Variants in OVOL1 observed in about 807,000 individuals in gnomAD.
OVOL1 encodes putative transcription factor Ovo-like 1.
In OVOL1, 10 loss-of-function variants were observed where a neutral mutation model predicts 21.5. The ratio of observed to expected loss-of-function variants is 0.46; its 90% CI spans 0.29 to 0.79. OVOL1 has a LOEUF of 0.79. Among genes scored for constraint, OVOL1 ranks in the 30% least tolerant of loss-of-function variants. The probability of loss-of-function intolerance (pLI) is 0.10; values close to 1 mark genes in which losing one functional copy is unlikely to be tolerated. For synonymous variants in OVOL1, 129 were observed against 150.3 expected, an observed-to-expected ratio of 0.86 and a Z score of 1.03; for missense variants, 279 against 362.3, an observed-to-expected ratio of 0.77 and a Z score of 1.87.
chr11:65,790,940 C>G (rs1214795048), intron 1 of OVOL1: 1 of 152,528 alleles, frequency 6.6e-6, no homozygotes, highest in Admixed American at 6.5e-5. Context: ...TCCTTTGTAT[C>G]ATCGGCCATT....
intron 1 of OVOL1, chr11:65,789,891 A>G (rs993240754): frequency 3.2e-5 from 5 of 156,856 alleles, no homozygotes; most frequent in South Asian, 2.0e-4. Context: ...CAGTTTGACA[A>G]TCCCATCAGC....
At position 65,793,384 on chromosome 11, in the gene OVOL1, G is replaced by A. The variant is rs902645158; in HGVS notation, c.101-647G>A. Among the ~76,000 whole-genome samples, 5 of 152,212 alleles carry A rather than the reference G, an allele frequency of 3.3e-5. No individual in the cohort carries two copies. The East Asian group carries it at 5.8e-4, about 18-fold the overall frequency. Reference sequence around the variant, plus strand: ...GTTGCATAAGCCTGGGCAGGCTGCCGAGACTGTTAGGCTGCATCCACCTGC... The same window carrying A: ...GTTGCATAAGCCTGGGCAGGCTGCCAAGACTGTTAGGCTGCATCCACCTGC... On this transcript the variant is annotated intron_variant, in intron 1 of 3. Transcript: ENST00000335987.
rs1939410354 is a variant in OVOL1, at chr11:65,797,068, A to T, written c.*1727A>T. 1 of 152,212 alleles carries T rather than the reference A, an allele frequency of 6.6e-6. No homozygotes were observed. The highest frequency in any genetic ancestry group is 2.1e-4 in the South Asian group (1 of 4,836). 9.4% of individuals were successfully genotyped at this position (152,212 alleles called of 1,614,324 possible). A position where few individuals can be genotyped will look rare whatever the true frequency, so the allele number is the denominator to read the frequency against. ...CGCTGCTGTATTCTGAAAGTCACAT[A>T]GCACACAGTAATGTTATCTGGAAGC... is the stretch of plus-strand genomic sequence containing the variant. On this transcript the variant is annotated 3_prime_UTR_variant, in exon 4 of 4. Coordinates refer to ENST00000335987, the MANE Select transcript of OVOL1 (RefSeq NM_004561.4).
Position 65,794,257 on chromosome 11 carries a change from A to C in OVOL1, c.318+9A>C. 20 of 1,608,590 alleles carry C rather than the reference A, an allele frequency of 1.2e-5. No homozygotes were observed. Among genetic ancestry groups the C allele is most frequent in the Middle Eastern group, 1.7e-4 (1 of 6,052 alleles). On this transcript the variant is annotated intron_variant, in intron 2 of 3. Coordinates refer to ENST00000335987, the MANE Select transcript of OVOL1 (RefSeq NM_004561.4). ...TGCGCACCAAGATGAAGGTAATGCC[A>C]CTCGCGCTGTCTCCGAGGGCCGGGG...
chr11:65,792,064 G>C (rs943993522), intron 1 of OVOL1, among the ~76,000 whole-genome samples: 3 of 152,194 alleles, frequency 2.0e-5, no homozygotes, highest in Non-Finnish European at 4.4e-5. Flanking sequence ...TCTGCCCCTC[G>C]CTCAGGGTGG....
At position 65,787,221 on chromosome 11, in the gene OVOL1, CG is replaced by C; in HGVS notation, c.-150del. The C allele has an allele frequency of 1.9e-6, 1 of 536,170 alleles. No homozygotes were observed. The highest frequency in any genetic ancestry group is 3.4e-6 in the Non-Finnish European group (1 of 293,370). The allele number at this position is 536,170 out of a possible 1,614,324, so 33.2% of individuals were successfully genotyped here. A position where few individuals can be genotyped will look rare whatever the true frequency, so the allele number is the denominator to read the frequency against. ...GGAGGTGGAACCGCCGCGCGCCGTC[CG>C]GGCTCGGACCTTCCCCGGAACGTGG... On this transcript the variant is annotated 5_prime_UTR_variant, in exon 1 of 4. Coordinates refer to ENST00000335987, the MANE Select transcript of OVOL1 (RefSeq NM_004561.4).
chr11:65,793,733 G>A, intron 1 of OVOL1: 1 of 478,900 alleles, frequency 2.1e-6, no homozygotes, highest in Non-Finnish European at 3.8e-6. Flanking sequence ...CAGCCCAGGT[G>A]GGGCAGGCAG....
chr11:65,787,483 C>T lies in OVOL1; in HGVS notation c.100+10C>T. The T allele has an allele frequency of 6.6e-7, 1 of 1,507,998 alleles. No individual in the cohort carries two copies. Among genetic ancestry groups the T allele is most frequent in the Non-Finnish European group, 8.9e-7 (1 of 1,120,272 alleles). 93.4% of individuals were successfully genotyped at this position (1,507,998 alleles called of 1,614,324 possible). Reference sequence around the variant, plus strand: ...GAGATCTACGTGCCAGGTGAGGCTCCAACCGCCCTCCGGCCTGGGGCACCC... The same window carrying T: ...GAGATCTACGTGCCAGGTGAGGCTCTAACCGCCCTCCGGCCTGGGGCACCC... On this transcript the variant is annotated intron_variant, in intron 1 of 3. Coordinates refer to ENST00000335987, the MANE Select transcript of OVOL1 (RefSeq NM_004561.4).
In OVOL1 at chr11:65,795,494, C is replaced by G. The variant is rs772949735; in HGVS notation, c.*153C>G. The G allele has an allele frequency of 7.9e-5, 53 of 673,302 alleles. No homozygotes were observed. The highest frequency in any genetic ancestry group is 1.3e-4 in the Non-Finnish European group (51 of 398,050). 41.7% of individuals were successfully genotyped at this position (673,302 alleles called of 1,614,324 possible). On this transcript the variant is annotated 3_prime_UTR_variant, in exon 4 of 4. Coordinates refer to ENST00000335987, the MANE Select transcript of OVOL1 (RefSeq NM_004561.4). The surrounding 1 kb of genome is among the most constrained non-coding windows in gnomAD (Gnocchi z 5.7). ...TGCCTTGGTCTCCCCCCTGGGCACA[C>G]GTGCTCACTCAGGCCCAGCAATGAC...
At chr11:65,794,466 A>G in intron 2 of OVOL1, 72 bp from the exon 3 acceptor site, 1 of 1,444,478 alleles carries the variant, frequency 6.9e-7, no homozygotes, top group Non-Finnish European at 9.6e-7. Flanking sequence ...GCTGGCATCC[A>G]CGTCTTCCCA....
At chr11:65,794,911 A>C in intron 3 of OVOL1, 135 bp from the exon 4 acceptor site, 1 of 1,006,142 alleles carries the variant, frequency 9.9e-7, no homozygotes, top group East Asian at 2.6e-5. Context: ...TCACTCGGGA[A>C]GTTGGTGTTG....
rs1857920822 is a variant in OVOL1, at chr11:65,787,080, G to C, written c.-294G>C. On this transcript the variant is annotated 5_prime_UTR_variant, in exon 1 of 4. Coordinates refer to ENST00000335987, the MANE Select transcript of OVOL1 (RefSeq NM_004561.4). ...TCCGGCTCGCACTTTAAGACTTCCC[G>C]AGCGGCGGCGGGGACGCCAGTCGAG... 1 of 276,234 alleles carries C rather than the reference G, an allele frequency of 3.6e-6. No homozygotes were observed. Among genetic ancestry groups the C allele is most frequent in the South Asian group, 2.7e-5 (1 of 37,052 alleles). The allele number at this position is 276,234 out of a possible 1,614,324, so 17.1% of individuals were successfully genotyped here.
chr11:65,795,633 C>T lies in OVOL1; in HGVS notation c.*292C>T, dbSNP rs912089948. ...AAGGCTGCCTTCAATTAGAAGCAGC[C>T]GCCCACAGAGACAGGCACTGTGTGC... On this transcript the variant is annotated 3_prime_UTR_variant, in exon 4 of 4. Coordinates refer to ENST00000335987, the MANE Select transcript of OVOL1 (RefSeq NM_004561.4). The surrounding 1 kb of genome is among the most constrained non-coding windows in gnomAD (Gnocchi z 5.7). 3.2e-5 allele frequency: 16 copies of T among 501,072 alleles called. No homozygotes were observed. The highest frequency in any genetic ancestry group is 1.1e-4 in the African/African-American group (6 of 52,316). The allele number at this position is 501,072 out of a possible 1,614,324, so 31.0% of individuals were successfully genotyped here. A position where few individuals can be genotyped will look rare whatever the true frequency, so the allele number is the denominator to read the frequency against.
At chr11:65,794,285 G>A (rs748196114) in intron 2 of OVOL1, 37 bp downstream of exon 2, 12 of 1,551,984 alleles carry the variant, frequency 7.7e-6, no homozygotes, top group South Asian at 2.2e-5. Flanking sequence ...GGCCGGGGGC[G>A]TGCATGTAGA....
rs1858127331 is a variant in OVOL1, at chr11:65,796,100, T to G, written c.*759T>G. On this transcript the variant is annotated 3_prime_UTR_variant, in exon 4 of 4. Coordinates refer to ENST00000335987, the MANE Select transcript of OVOL1 (RefSeq NM_004561.4). Reference sequence around the variant, plus strand: ...GTGCCAATGGCGATGTTTTTAAGAGTGGGATGGAGCTGGCTTTTCTCCATT... The same window carrying G: ...GTGCCAATGGCGATGTTTTTAAGAGGGGGATGGAGCTGGCTTTTCTCCATT... The G allele has an allele frequency of 6.5e-6, 1 of 152,674 alleles. No individual in the cohort carries two copies. Among genetic ancestry groups the G allele is most frequent in the East Asian group, 1.9e-4 (1 of 5,200 alleles). The allele number at this position is 152,674 out of a possible 1,614,324, so 9.5% of individuals were successfully genotyped here.
intron 1 of OVOL1, chr11:65,788,482 G>A: frequency 1.0e-6 from 1 of 984,554 alleles, no homozygotes; most frequent in Non-Finnish European, 1.2e-6. Flanking sequence ...GAGGGGGGAG[G>A]GGAGGAGTAA....
At position 65,795,009 on chromosome 11, in the gene OVOL1, G is replaced by A. The variant is rs756274526; in HGVS notation, c.509-37G>A. 6.3e-7 allele frequency: 1 copy of A among 1,597,942 alleles called. No homozygotes were observed. Among genetic ancestry groups the A allele is most frequent in the Non-Finnish European group, 8.5e-7 (1 of 1,172,846 alleles). ...GCAGCCGACAGCCTCTGAAGTCCCT[G>A]CCAGGTCTCTGATGCTGGCCCCTGT... On this transcript the variant is annotated intron_variant, in intron 3 of 3. Transcript: ENST00000335987. This position sits in a 1 kb window ranked among gnomAD's most constrained non-coding sequence, Gnocchi z 5.7.
chr11:65,794,788 G>A (rs1858096512), intron 3 of OVOL1, 61 bp downstream of exon 3: 1 of 1,527,388 alleles, frequency 6.5e-7, no homozygotes, highest in South Asian at 1.1e-5. Flanking sequence ...GGCCGTGCGG[G>A]AAAAGTCCAG....
chr11:65,788,414 C>A, intron 1 of OVOL1: 2 of 980,988 alleles, frequency 2.0e-6, no homozygotes, highest in Non-Finnish European at 2.4e-6. Context: ...CCGAACGCCC[C>A]CTCCCCAGGC....
Sources: gnomAD v4.1 joint callset for allele counts (sites outside exome capture counted in the v4.1 genomes callset) on GRCh38, gnomAD v4.1.1 for gene constraint, Gnocchi (gnomAD v3.1) non-coding constraint, MANE v1.5 for transcripts, NCBI Gene and HGNC (gene_info 2026-07-23, HGNC 2026-07-21) for gene names.